Variants in KDM2A observed in about 807,000 individuals in gnomAD.
KDM2A encodes lysine demethylase 2A, also known as lysine-specific demethylase 2A.
KDM2A carries 3 observed loss-of-function variants against 137.3 expected under a neutral mutation model. The ratio of observed to expected loss-of-function variants is 0.02; its 90% CI spans 0.01 to 0.06. The LOEUF is 0.06. KDM2A is among the 10% of genes least tolerant of loss of function. The pLI, the probability that KDM2A is intolerant of heterozygous loss-of-function variation, is 1.00. For missense variants in KDM2A, 738 were observed against 1,510.6 expected (o/e 0.49, Z 8.48); for synonymous variants, 512 against 541.5 (o/e 0.95, Z 0.76).
chr11:67,186,398 T>C (rs551016280), intron 5 of KDM2A, among the ~76,000 whole-genome samples: 7 of 152,212 alleles, frequency 4.6e-5, no homozygotes, highest in African/African-American at 4.8e-5. Flanking sequence ...CCAAGCATCC[T>C]ATATCTGGCA....
chr11:67,205,464 C>T (rs748283505), intron 5 of KDM2A, among the ~76,000 whole-genome samples: 9 of 151,994 alleles, frequency 5.9e-5, no homozygotes, highest in East Asian at 3.9e-4. Context: ...GGTGTTTGTT[C>T]GTCTTACAAG....
At chr11:67,150,101 G>A (rs534552740) in intron 2 of KDM2A, among the ~76,000 whole-genome samples, 12 of 152,276 alleles carry the variant, frequency 7.9e-5, no homozygotes, top group African/African-American at 2.6e-4. Context: ...GATCTTACAC[G>A]AAATTACAGA....
Position 67,252,851 on chromosome 11 carries a change from C to T in KDM2A, c.2926C>T (p.Leu976=). 1.2e-6 allele frequency: 2 copies of T among 1,604,330 alleles called. No homozygotes were observed. Among genetic ancestry groups the T allele is most frequent in the Non-Finnish European group, 1.7e-6 (2 of 1,172,914 alleles). The change falls in exon 18 of 21, where the codon CTG becomes TTG. Residue 976 remains leucine, a synonymous_variant. Coordinates refer to ENST00000529006, the MANE Select transcript of KDM2A (RefSeq NM_012308.3). ...KKQLTWLVNR[L]PGLKDLLLAG... ...GCAACTGACATGGCTCGTCAATAGGCTGCCAGGTAAGTGAGCAGCCCTGCC... is the reference window on the plus strand; with the variant it reads ...GCAACTGACATGGCTCGTCAATAGGTTGCCAGGTAAGTGAGCAGCCCTGCC...
intron 2 of KDM2A, among the ~76,000 whole-genome samples, chr11:67,146,540 A>G (rs1262269145): frequency 1.3e-5 from 2 of 151,868 alleles, no homozygotes; most frequent in African/African-American, 4.8e-5. Context: ...ACAGGGTCTC[A>G]CTTTGTTATC....
intron 2 of KDM2A, among the ~76,000 whole-genome samples, chr11:67,168,545 TACACACAC>T (rs34544708): frequency 6.4e-5 from 7 of 110,014 alleles, no homozygotes; most frequent in Admixed American, 9.7e-5. Context: ...TGAATTATAA[TACACACAC>T]ACACACACAC....
Position 67,256,544 on chromosome 11 carries a change from CG to C in KDM2A, c.*1490del, listed in dbSNP as rs1859623133. The stretch of plus-strand genomic sequence containing the variant: ...CCCCCACCCCGCCCCGCCTTTTGGT[CG>C]TCCATCCCTGTCCCTTTCTGGCCCT... On this transcript the variant is annotated 3_prime_UTR_variant, in exon 21 of 21. Coordinates refer to ENST00000529006, the MANE Select transcript of KDM2A (RefSeq NM_012308.3). The C allele has an allele frequency of 6.5e-6, 1 of 152,718 alleles. No homozygotes were observed. Among genetic ancestry groups the C allele is most frequent in the African/African-American group, 2.4e-5 (1 of 41,374 alleles). 9.5% of individuals were successfully genotyped at this position (152,718 alleles called of 1,614,324 possible).
rs1448671131 is a variant in KDM2A at position 67,256,083 on chromosome 11, C to G, written c.*1028C>G. 6.4e-6 allele frequency: 1 copy of G among 157,124 alleles called. No individual in the cohort carries two copies. The highest frequency in any genetic ancestry group is 6.2e-5 in the Admixed American group (1 of 16,184). 9.7% of individuals were successfully genotyped at this position (157,124 alleles called of 1,614,324 possible). On this transcript the variant is annotated 3_prime_UTR_variant, in exon 21 of 21. Coordinates refer to ENST00000529006, the MANE Select transcript of KDM2A (RefSeq NM_012308.3). ...AGGCCTGTGTCTAGCCCCAGTGGCT[C>G]ACTGAACTTTCAGGGCAGTCAGGGG...
chr11:67,131,888 GTGTATGTCAAGGCTTTTATTTA>G (rs1349358045), intron 2 of KDM2A: 2 of 152,180 alleles, frequency 1.3e-5, no homozygotes, highest in African/African-American at 4.8e-5. Flanking sequence ...TGCAGTTTGT[GTGTATGTCAAGGCTTTTATTTA>G]TGTATGTCAC....
intron 6 of KDM2A, among the ~76,000 whole-genome samples, chr11:67,211,077 A>G (rs1215866391): frequency 1.3e-5 from 2 of 152,072 alleles, no homozygotes; most frequent in Admixed American, 1.3e-4. Context: ...AACAAACAAA[A>G]ACATAGCTAC....
chr11:67,208,060 A>T (rs1272289008), intron 6 of KDM2A, among the ~76,000 whole-genome samples: 1 of 152,120 alleles, frequency 6.6e-6, no homozygotes, highest in African/African-American at 2.4e-5. Flanking sequence ...CGTTGTTTTT[A>T]TACTGGGAAA....
chr11:67,157,195 C>T (rs940375617), intron 2 of KDM2A, among the ~76,000 whole-genome samples: 47 of 151,146 alleles, frequency 3.1e-4, no homozygotes, highest in African/African-American at 1.1e-3. Context: ...TGCCTGTAGT[C>T]CCAGCTACTC....
intron 2 of KDM2A, among the ~76,000 whole-genome samples, chr11:67,169,380 C>CTT (rs1169905276): frequency 1.5e-4 from 20 of 132,636 alleles, no homozygotes; most frequent in Admixed American, 2.3e-4. Flanking sequence ...CTTTCTTTTT[C>CTT]TTTTTTTTTT....
chr11:67,201,711 T>C (rs1382818556), intron 5 of KDM2A, among the ~76,000 whole-genome samples: 1 of 130,078 alleles, frequency 7.7e-6, no homozygotes, highest in African/African-American at 3.0e-5. Flanking sequence ...GAGGTTGCAG[T>C]GAGCCAAGAT....
At chr11:67,184,997 GA>G (rs1361843493) in intron 5 of KDM2A, among the ~76,000 whole-genome samples, 1 of 151,964 alleles carries the variant, frequency 6.6e-6, no homozygotes, top group South Asian at 2.1e-4. Context: ...CCATTCAAAG[GA>G]AAAAAATCAA....
At chr11:67,191,255 G>T (rs1590765006) in intron 5 of KDM2A, among the ~76,000 whole-genome samples, 1 of 152,132 alleles carries the variant, frequency 6.6e-6, no homozygotes, top group Non-Finnish European at 1.5e-5. Context: ...TCGATCTCCT[G>T]ACCTCGTGAT....
At chr11:67,132,600 T>G (rs1482821522) in intron 2 of KDM2A, among the ~76,000 whole-genome samples, 3 of 152,186 alleles carry the variant, frequency 2.0e-5, no homozygotes, top group Non-Finnish European at 4.4e-5. Flanking sequence ...TTGTTTTTAA[T>G]ATAACAGTGA....
intron 12 of KDM2A, among the ~76,000 whole-genome samples, chr11:67,232,616 C>T (rs1394221181): frequency 6.6e-6 from 1 of 151,658 alleles, no homozygotes; most frequent in Non-Finnish European, 1.5e-5. Context: ...GGTATTTCTC[C>T]TAATGCTATC....
chr11:67,228,823 A>G (rs1221013434), intron 11 of KDM2A, among the ~76,000 whole-genome samples: 1 of 152,114 alleles, frequency 6.6e-6, no homozygotes. Context: ...TGTAACCTCA[A>G]ACTCCTGGGC....
At chr11:67,253,345 C>T in intron 18 of KDM2A, 108 bp from the exon 19 acceptor site, 1 of 923,132 alleles carries the variant, frequency 1.1e-6, no homozygotes, top group Non-Finnish European at 1.7e-6. Flanking sequence ...TAGGCATAGT[C>T]CTTCTCTCCT....
Sources: gnomAD v4.1 joint callset for allele counts (sites outside exome capture counted in the v4.1 genomes callset) on GRCh38, gnomAD v4.1.1 for gene constraint, MANE v1.5 for transcripts, NCBI Gene and HGNC (gene_info 2026-07-23, HGNC 2026-07-21) for gene names.